Variants in EFNA5 observed in about 807,000 individuals in gnomAD.
EFNA5 encodes ephrin A5.
In EFNA5, 5 loss-of-function variants were observed where a neutral mutation model predicts 22.9. That is an observed-to-expected ratio of 0.22 (90% CI 0.11 to 0.46). EFNA5 has a LOEUF of 0.46. EFNA5 is among the 20% of genes least tolerant of loss of function. EFNA5 has a pLI of 0.99. For synonymous variants in EFNA5, 113 were observed against 112.2 expected (o/e 1.01, Z -0.04); for missense variants, 237 against 293.3 (o/e 0.81, Z 1.40).
chr5:107,431,453 T>G (rs765423731), intron 1 of EFNA5, among the ~76,000 whole-genome samples: 1 of 152,212 alleles, frequency 6.6e-6, no homozygotes, highest in Admixed American at 6.5e-5. Context: ...GAGTGCTTAT[T>G]ATGTTACATT....
At chr5:107,492,684 CT>C (rs1331896467) in intron 1 of EFNA5, among the ~76,000 whole-genome samples, 6 of 152,086 alleles carry the variant, frequency 3.9e-5, no homozygotes. Context: ...TACCTTAGGG[CT>C]CTCAATTTCA....
chr5:107,442,510 T>C (rs1434342672), intron 1 of EFNA5, among the ~76,000 whole-genome samples: 1 of 152,198 alleles, frequency 6.6e-6, no homozygotes, highest in Non-Finnish European at 1.5e-5. Flanking sequence ...GAGAGAAATG[T>C]ATAGAAAATG....
chr5:107,584,523 T>C (rs146610942), intron 1 of EFNA5, among the ~76,000 whole-genome samples: 3 of 152,358 alleles, frequency 2.0e-5, no homozygotes, highest in East Asian at 3.9e-4. Context: ...TAGTTGGACA[T>C]TTCTCTCTCA....
chr5:107,543,432 T>C (rs1748086492), intron 1 of EFNA5, among the ~76,000 whole-genome samples: 1 of 152,228 alleles, frequency 6.6e-6, no homozygotes, highest in Non-Finnish European at 1.5e-5. Context: ...CATGGCTGGA[T>C]GGAAATGAAG....
intron 1 of EFNA5, among the ~76,000 whole-genome samples, chr5:107,639,686 A>T (rs928011461): frequency 3.3e-5 from 5 of 152,202 alleles, no homozygotes; most frequent in African/African-American, 1.2e-4. Context: ...CTAATGGCAT[A>T]GGTTAATAAG....
chr5:107,579,627 T>C (rs1749000318), intron 1 of EFNA5, among the ~76,000 whole-genome samples: 1 of 113,028 alleles, frequency 8.8e-6, no homozygotes, highest in Non-Finnish European at 1.9e-5. Context: ...AGTATTATAG[T>C]CCTTTTCTCT....
chr5:107,531,186 T>A (rs1196471960), intron 1 of EFNA5, among the ~76,000 whole-genome samples: 3 of 152,300 alleles, frequency 2.0e-5, no homozygotes, highest in Admixed American at 2.0e-4. Context: ...TCTGAGGGAT[T>A]CTGGTTAACT....
intron 1 of EFNA5, among the ~76,000 whole-genome samples, chr5:107,664,647 G>A: frequency 6.6e-6 from 1 of 152,080 alleles, no homozygotes; most frequent in Non-Finnish European, 1.5e-5. Context: ...TTTTATACCT[G>A]AAAATGAAGG....
intron 1 of EFNA5, among the ~76,000 whole-genome samples, chr5:107,492,881 C>A (rs1048826109): frequency 2.0e-5 from 3 of 151,884 alleles, no homozygotes; most frequent in Admixed American, 1.3e-4. Context: ...CACCTGTAAT[C>A]CCAACTATTC....
At chr5:107,663,117 T>C (rs761190555) in intron 1 of EFNA5, among the ~76,000 whole-genome samples, 27 of 152,102 alleles carry the variant, frequency 1.8e-4, no homozygotes, top group Admixed American at 3.9e-4. Context: ...CCTGCCAAAA[T>C]GATCATAAAG....
intron 1 of EFNA5, among the ~76,000 whole-genome samples, chr5:107,556,965 T>C (rs1748435024): frequency 6.6e-6 from 1 of 151,830 alleles, no homozygotes; most frequent in Non-Finnish European, 1.5e-5. Flanking sequence ...CTCCAGCACA[T>C]CTTACCTGCC....
intron 1 of EFNA5, among the ~76,000 whole-genome samples, chr5:107,617,682 T>G (rs1056620428): frequency 6.6e-6 from 1 of 152,206 alleles, no homozygotes; most frequent in Non-Finnish European, 1.5e-5. Context: ...ATAAGTACTA[T>G]TCTTCTTTTC....
Position 107,459,072 on chromosome 5 carries a change from G to A in EFNA5, c.126-31563C>T, listed in dbSNP as rs10040134. ...GGAGCATTTCTTCCTTCAAATTTAC[G>A]TTTAAATTAACTGTTTTATTTTAGG... On this transcript the variant is annotated intron_variant, in intron 1 of 4. Coordinates refer to ENST00000333274, the MANE Select transcript of EFNA5 (RefSeq NM_001962.3). Among the ~76,000 whole-genome samples, 111 of 151,974 alleles carry A rather than the reference G, an allele frequency of 7.3e-4. 1 individual carries two copies. The highest frequency in any genetic ancestry group is 2.5e-3 in the African/African-American group (102 of 41,468).
chr5:107,668,940 ACT>A (rs1256188471), intron 1 of EFNA5, among the ~76,000 whole-genome samples: 3 of 151,370 alleles, frequency 2.0e-5, no homozygotes, highest in African/African-American at 7.3e-5. Flanking sequence ...CCTCCAGGAG[ACT>A]CTTGTTTTTT....
chr5:107,662,839 T>A (rs1750991658), intron 1 of EFNA5, among the ~76,000 whole-genome samples: 1 of 147,076 alleles, frequency 6.8e-6, no homozygotes, highest in South Asian at 2.2e-4. Context: ...CTACTTAGCA[T>A]AGTCAGAAAA....
At chr5:107,496,359 A>C (rs1021418342) in intron 1 of EFNA5, among the ~76,000 whole-genome samples, 1 of 150,540 alleles carries the variant, frequency 6.6e-6, no homozygotes, top group African/African-American at 2.5e-5. Context: ...AAAAACAAAA[A>C]AACAAAAAAC....
chr5:107,646,692 G>T (rs1197489647), intron 1 of EFNA5, among the ~76,000 whole-genome samples: 1 of 152,100 alleles, frequency 6.6e-6, no homozygotes, highest in Non-Finnish European at 1.5e-5. Flanking sequence ...AAGCTGTTGA[G>T]AAAACATTCA....
intron 1 of EFNA5, among the ~76,000 whole-genome samples, chr5:107,560,764 G>A (rs1222240824): frequency 1.3e-5 from 2 of 152,112 alleles, no homozygotes; most frequent in Non-Finnish European, 2.9e-5. Context: ...CGTACTGCAG[G>A]GACAGGCCCT....
At chr5:107,626,447 T>A (rs1036799159) in intron 1 of EFNA5, among the ~76,000 whole-genome samples, 5 of 151,930 alleles carry the variant, frequency 3.3e-5, no homozygotes, top group African/African-American at 9.7e-5. Flanking sequence ...CTAATTAATT[T>A]AAAAAAAATT....
Sources: gnomAD v4.1 joint callset for allele counts (sites outside exome capture counted in the v4.1 genomes callset) on GRCh38, gnomAD v4.1.1 for gene constraint, MANE v1.5 for transcripts, NCBI Gene and HGNC (gene_info 2026-07-23, HGNC 2026-07-21) for gene names.